The following NKAIN2 variants were observed in gnomAD, a reference collection of about 807,000 sequenced individuals.
NKAIN2 encodes the protein sodium/potassium transporting ATPase interacting 2, also known as sodium/potassium-transporting ATPase subunit beta-1-interacting protein 2.
A neutral mutation model predicts 32.6 loss-of-function variants in NKAIN2; 14 were observed. The ratio of observed to expected loss-of-function variants is 0.43; its 90% CI spans 0.28 to 0.67. The LOEUF is 0.67. Among genes scored for constraint, NKAIN2 ranks in the 30% least tolerant of loss-of-function variants. NKAIN2 has a pLI of 0.17. For missense variants in NKAIN2, 198 were observed against 258.3 expected, an observed-to-expected ratio of 0.77 and a Z score of 1.60; for synonymous variants, 80 against 87.2, an observed-to-expected ratio of 0.92 and a Z score of 0.46.
At chr6:124,536,898 G>A (rs1261908913) in intron 3 of NKAIN2, among the ~76,000 whole-genome samples, 4 of 152,144 alleles carry the variant, frequency 2.6e-5, no homozygotes, top group South Asian at 2.1e-4. Context: ...AAGTCCACAC[G>A]ACACAGCCAG....
chr6:124,476,063 A>AGTGTGTGTGTGTGTGT (rs772864587), intron 3 of NKAIN2, among the ~76,000 whole-genome samples: 2 of 115,120 alleles, frequency 1.7e-5, no homozygotes, highest in East Asian at 2.4e-4. Flanking sequence ...AGAGAGAGAG[A>AGTGTGTGTGTGTGTGT]GAGTGTGTGT....
chr6:124,111,526 G>T (rs1785384500), intron 1 of NKAIN2, among the ~76,000 whole-genome samples: 1 of 151,658 alleles, frequency 6.6e-6, no homozygotes, highest in Non-Finnish European at 1.5e-5. Context: ...ACTCTCTTTT[G>T]GTTATGATTT....
At chr6:124,234,712 T>C (rs1337265197) in intron 1 of NKAIN2, among the ~76,000 whole-genome samples, 1 of 152,132 alleles carries the variant, frequency 6.6e-6, no homozygotes, top group Non-Finnish European at 1.5e-5. Context: ...GATTTTAAGC[T>C]TATGTAGGAT....
chr6:124,191,817 A>C (rs554940854), intron 1 of NKAIN2, among the ~76,000 whole-genome samples: 108 of 152,244 alleles, frequency 7.1e-4, no homozygotes, highest in Admixed American at 2.7e-3. Flanking sequence ...AATTTTATTA[A>C]ATGTTTCTTC....
At chr6:124,103,954 G>A (rs929742065) in intron 1 of NKAIN2, among the ~76,000 whole-genome samples, 1 of 152,068 alleles carries the variant, frequency 6.6e-6, no homozygotes, top group African/African-American at 2.4e-5. Flanking sequence ...AGGCATGGTG[G>A]CAGGAGCCTA....
chr6:124,695,085 A>G lies in NKAIN2; in HGVS notation c.474+36699A>G, dbSNP rs1379298534. ...TTGGATAGTGTTTTTTCAGTAGTGC[A>G]TGGAAAGACTGTTCTTTGCTTCTTT... is the stretch of plus-strand genomic sequence containing the variant. On this transcript the variant is annotated intron_variant, in intron 4 of 6. Coordinates refer to ENST00000368417, the MANE Select transcript of NKAIN2 (RefSeq NM_001040214.3). Among the ~76,000 whole-genome samples, 3 of 151,622 alleles carry G rather than the reference A, an allele frequency of 2.0e-5. No individual in the cohort carries two copies. In the East Asian group the frequency reaches 5.8e-4, roughly 29 times the overall value.
chr6:124,750,301 G>C (rs567346948), intron 4 of NKAIN2, among the ~76,000 whole-genome samples: 1 of 152,070 alleles, frequency 6.6e-6, no homozygotes, highest in African/African-American at 2.4e-5. Context: ...CCATCAGGTA[G>C]AGTAAGATTC....
chr6:124,714,639 C>T (rs9375363), intron 4 of NKAIN2, among the ~76,000 whole-genome samples: 63,755 of 151,850 alleles, frequency 0.42, 13,558 homozygotes, highest in African/African-American at 0.45. Context: ...TTTCGCAGGC[C>T]GTCTAAAGAA....
At chr6:124,653,520 A>G (rs1784439381) in intron 3 of NKAIN2, among the ~76,000 whole-genome samples, 1 of 151,888 alleles carries the variant, frequency 6.6e-6, no homozygotes, top group African/African-American at 2.4e-5. Context: ...AATGGGTCAA[A>G]GACCTAAATG....
chr6:124,104,761 A>T (rs1785040543), intron 1 of NKAIN2, among the ~76,000 whole-genome samples: 1 of 152,186 alleles, frequency 6.6e-6, no homozygotes, highest in Non-Finnish European at 1.5e-5. Flanking sequence ...TTTTATCTCT[A>T]CTCAGTTCTA....
Position 124,643,429 on chromosome 6 carries a change from A to G in NKAIN2, c.274-14757A>G, listed in dbSNP as rs1562301214. 3.3e-5 allele frequency among the ~76,000 whole-genome samples: 5 copies of G among 152,180 alleles called. No homozygotes were observed. The South Asian group carries it at 1.0e-3, about 32-fold the overall frequency. On this transcript the variant is annotated intron_variant, in intron 3 of 6. Transcript: ENST00000368417. ...CCTGGCTCTTTCAGGTTCCAGCTAG[A>G]GTTCCCAGGCACCATACCATTTGAA...
chr6:124,225,877 G>A (rs1452365729), intron 1 of NKAIN2, among the ~76,000 whole-genome samples: 1 of 151,946 alleles, frequency 6.6e-6, no homozygotes, highest in Non-Finnish European at 1.5e-5. Flanking sequence ...TTTCTCTAGT[G>A]GCATGAGGTA....
intron 3 of NKAIN2, among the ~76,000 whole-genome samples, chr6:124,480,729 T>G (rs970730355): frequency 1.3e-5 from 2 of 152,062 alleles, no homozygotes; most frequent in Non-Finnish European, 2.9e-5. Context: ...TTCTTAGGAT[T>G]TCTTTGGCAT....
At chr6:124,349,498 T>G (rs146008097) in intron 2 of NKAIN2, among the ~76,000 whole-genome samples, 368 of 152,330 alleles carry the variant, frequency 2.4e-3, no homozygotes, top group Middle Eastern at 3.4e-3. Context: ...TCCTATAGAT[T>G]GCATTAATTG....
intron 1 of NKAIN2, among the ~76,000 whole-genome samples, chr6:123,838,379 A>G (rs950454005): frequency 3.9e-5 from 6 of 152,168 alleles, no homozygotes; most frequent in African/African-American, 1.4e-4. Context: ...ATTCTGGAGA[A>G]TGATTTATAT....
In NKAIN2 at chr6:124,823,602, G is replaced by A. The variant is rs1339241678; in HGVS notation, c.*373G>A. On this transcript the variant is annotated 3_prime_UTR_variant, in exon 7 of 7. Coordinates refer to ENST00000368417, the MANE Select transcript of NKAIN2 (RefSeq NM_001040214.3). ...CAGCCCAGCGGGTTGGCCTCTGTGAGCTGGGAAGTCATCCAAGGCACATTA... is the reference window on the plus strand; with the variant it reads ...CAGCCCAGCGGGTTGGCCTCTGTGAACTGGGAAGTCATCCAAGGCACATTA... The A allele has an allele frequency of 4.7e-6, 1 of 212,948 alleles. No homozygotes were observed. The highest frequency in any genetic ancestry group is 1.0e-4 in the East Asian group (1 of 9,740). The allele number at this position is 212,948 out of a possible 1,614,324, so 13.2% of individuals were successfully genotyped here. A position where few individuals can be genotyped will look rare whatever the true frequency, so the allele number is the denominator to read the frequency against.
chr6:124,336,534 T>C (rs1797867595), intron 2 of NKAIN2, among the ~76,000 whole-genome samples: 1 of 152,196 alleles, frequency 6.6e-6, no homozygotes, highest in Admixed American at 6.5e-5. Flanking sequence ...TCTGATAGCA[T>C]TGAGCCATTT....
chr6:123,894,311 T>A (rs1390906815), intron 1 of NKAIN2, among the ~76,000 whole-genome samples: 1 of 152,186 alleles, frequency 6.6e-6, no homozygotes, highest in Non-Finnish European at 1.5e-5. Context: ...GTTGGAAATT[T>A]CAGCTGTTCA....
chr6:124,502,436 C>T (rs147888135), intron 3 of NKAIN2, among the ~76,000 whole-genome samples: 263 of 152,306 alleles, frequency 1.7e-3, no homozygotes, highest in African/African-American at 6.1e-3. Context: ...CGATCAATTT[C>T]TTGTGAATTC....
Sources: gnomAD v4.1 joint callset for allele counts (sites outside exome capture counted in the v4.1 genomes callset) on GRCh38, gnomAD v4.1.1 for gene constraint, MANE v1.5 for transcripts, NCBI Gene and HGNC (gene_info 2026-07-23, HGNC 2026-07-21) for gene names.